APRT: variants seen among roughly 807,000 people sequenced by gnomAD.
APRT encodes the protein AMP diphosphorylase.
A neutral mutation model predicts 21.0 loss-of-function variants in APRT; 25 were observed. The ratio of observed to expected loss-of-function variants is 1.19; its 90% CI spans 0.87 to 1.66. APRT has a LOEUF of 1.66. Ranked by LOEUF, APRT falls within the 40% of genes most tolerant of loss-of-function variation. The pLI is 0.00. For synonymous variants in APRT, 153 were observed against 109.0 expected, an observed-to-expected ratio of 1.40 and a Z score of -2.52; for missense variants, 294 against 232.7, an observed-to-expected ratio of 1.26 and a Z score of -1.72.
chr16:88,811,680 G>A (rs767701199), intron 1 of APRT, 24 bp from the exon 2 acceptor site: 26 of 1,550,264 alleles, frequency 1.7e-5, no homozygotes, highest in Middle Eastern at 1.8e-4. Flanking sequence ...CAGGCCTGGT[G>A]ACGCCGGGGC....
chr16:88,810,540 G>T lies in APRT; in HGVS notation c.204C>A (p.Gly68=). ...GGGCCAGGGAGGGGCCAAAGAGGAA[G>T]CCTCGGGAGTCTAGGCCTGTCAGGG... ...IDYIAGLDSR[G]FLFGPSLAQE... is the part of the protein sequence containing the mutation. The change falls in exon 3 of 5, where the codon GGC becomes GGA. Residue 68 remains glycine, a synonymous_variant. Coordinates refer to ENST00000378364, the MANE Select transcript of APRT (RefSeq NM_000485.3). 6.2e-7 allele frequency: 1 copy of T among 1,611,886 alleles called. No homozygotes were observed. The highest frequency in any genetic ancestry group is 8.5e-7 in the Non-Finnish European group (1 of 1,179,820).
rs766817564 is a variant in APRT, at chr16:88,811,568, G to T, written c.169C>A (p.Arg57Ser). 4 of 1,599,192 alleles carry T rather than the reference G, an allele frequency of 2.5e-6. No individual in the cohort carries two copies. Among genetic ancestry groups the T allele is most frequent in the African/African-American group, 2.7e-5 (2 of 74,764 alleles). Residue 57 changes from arginine (R) to serine (S), a missense_variant, in exon 2 of 5, where the codon CGC becomes AGC. Transcript: ENST00000378364. ...ARHLKATHGG[R>S]IDYIAGLDSR... ...CACTCGCCTGCGATGTAGTCGATGC[G>T]GCCCCCGTGGGTCGCCTTCAGGTGT...
intron 2 of APRT, chr16:88,811,080 C>A: frequency 3.4e-6 from 1 of 293,624 alleles, no homozygotes; most frequent in Non-Finnish European, 6.4e-6. Flanking sequence ...CTGTCACACC[C>A]TAGGAGAGGC....
intron 2 of APRT, among the ~76,000 whole-genome samples, chr16:88,810,889 A>G (rs986107929): frequency 6.6e-6 from 1 of 152,112 alleles, no homozygotes; most frequent in Admixed American, 6.5e-5. Context: ...GCTTCTGTCT[A>G]AAAAGGGAGT....
Position 88,809,784 on chromosome 16 carries a change from A to C in APRT, c.457T>G (p.Cys153Gly), listed in dbSNP as rs764321075. 6.2e-7 allele frequency: 1 copy of C among 1,613,116 alleles called. No individual in the cohort carries two copies. The highest frequency in any genetic ancestry group is 8.5e-7 in the Non-Finnish European group (1 of 1,179,998). The change falls in exon 5 of 5, where the codon TGC (cysteine) becomes GGC (glycine). Residue 153 changes from cysteine to glycine, a missense_variant. Coordinates refer to ENST00000378364, the MANE Select transcript of APRT (RefSeq NM_000485.3). ...LGRLQAEVLECVSLVELTSLK... is the reference protein window; with the variant it reads ...LGRLQAEVLEGVSLVELTSLK... ...GAGGTCAGCTCCACCAGGCTCACGC[A>C]CTCCAGGACCTCAGCCTGCAGGCGG...
At chr16:88,811,205 C>G (rs896873524) in intron 2 of APRT, 1 of 473,830 alleles carries the variant, frequency 2.1e-6, no homozygotes, top group African/African-American at 2.1e-5. Flanking sequence ...GAAGGCCTGG[C>G]TCGTGGCAGG....
rs763752678 is a variant in APRT, at chr16:88,809,675, T to C, written c.*23A>G. Reference sequence around the variant, plus strand: ...TATTTCCCTGGGATCCAGCTGGAGATGTTGGGCTGGGAGGCCCTGTGGTCA... The same window carrying C: ...TATTTCCCTGGGATCCAGCTGGAGACGTTGGGCTGGGAGGCCCTGTGGTCA... On this transcript the variant is annotated 3_prime_UTR_variant, in exon 5 of 5. Coordinates refer to ENST00000378364, the MANE Select transcript of APRT (RefSeq NM_000485.3). 4 of 1,613,060 alleles carry C rather than the reference T, an allele frequency of 2.5e-6. No homozygotes were observed. In the Admixed American group the frequency reaches 5.0e-5, roughly 20 times the overall value.
At chr16:88,809,888 C>T (rs749210314) in intron 4 of APRT, 48 bp from the exon 5 acceptor site, 1 of 1,601,280 alleles carries the variant, frequency 6.2e-7, no homozygotes, top group East Asian at 2.2e-5. Context: ...CTGCAGAGAG[C>T]AGGTGCTCCA....
intron 1 of APRT, 69 bp from the exon 2 acceptor site, chr16:88,811,725 G>T (rs1024397942): frequency 6.0e-6 from 9 of 1,501,572 alleles, no homozygotes; most frequent in Non-Finnish European, 8.0e-6. Flanking sequence ...CGAAAGACGA[G>T]GGTTCCCGCC....
In APRT at chr16:88,809,807, C is replaced by T. The variant is rs147688262; in HGVS notation, c.434G>A (p.Arg145His). The T allele has an allele frequency of 2.2e-5, 36 of 1,612,762 alleles. No individual in the cohort carries two copies. The highest frequency in any genetic ancestry group is 1.3e-4 in the East Asian group (6 of 44,894). Reference protein sequence around the residue: ...TMNAACELLGRLQAEVLECVS... With the variant: ...TMNAACELLGHLQAEVLECVS... ...GCACTCCAGGACCTCAGCCTGCAGGCGGCCCAGCAGCTCACAGGCAGCGTT... is the reference window on the plus strand; with the variant it reads ...GCACTCCAGGACCTCAGCCTGCAGGTGGCCCAGCAGCTCACAGGCAGCGTT... The change falls in exon 5 of 5, where the codon CGC (arginine) becomes CAC (histidine). Residue 145 changes from arginine (R) to histidine (H), a missense_variant. Physicochemically the swap from Arg to His is conservative, Grantham distance 29. Transcript: ENST00000378364.
In APRT at chr16:88,811,490, G is replaced by C; in HGVS notation, c.187+60C>G. On this transcript the variant is annotated intron_variant, in intron 2 of 4. Coordinates refer to ENST00000378364, the MANE Select transcript of APRT (RefSeq NM_000485.3). ...CCCCAAGCAGACGCGCAGAGCCCACGTGCTGCCCTCGGCGCGCGCAGAGGC... is the reference window on the plus strand; with the variant it reads ...CCCCAAGCAGACGCGCAGAGCCCACCTGCTGCCCTCGGCGCGCGCAGAGGC... The C allele has an allele frequency of 8.8e-6, 13 of 1,483,414 alleles. No individual in the cohort carries two copies. Among genetic ancestry groups the C allele is most frequent in the Non-Finnish European group, 1.2e-5 (13 of 1,093,714 alleles). The allele number at this position is 1,483,414 out of a possible 1,614,324, so 91.9% of individuals were successfully genotyped here. A position where few individuals can be genotyped will look rare whatever the true frequency, so the allele number is the denominator to read the frequency against.
chr16:88,810,712 C>T (rs1909099390), intron 2 of APRT, among the ~76,000 whole-genome samples, 156 bp from the exon 3 acceptor site: 1 of 152,222 alleles, frequency 6.6e-6, no homozygotes, highest in Admixed American at 6.5e-5. Context: ...GGAGCTGCTT[C>T]CAGGTCAGAG....
intron 2 of APRT, 47 bp downstream of exon 2, chr16:88,811,503 C>T: frequency 6.6e-7 from 1 of 1,523,320 alleles, no homozygotes; most frequent in Non-Finnish European, 8.9e-7. Flanking sequence ...CTGCCCTCGG[C>T]GCGCGCAGAG....
chr16:88,811,705 G>T (rs1038514187), intron 1 of APRT, 49 bp from the exon 2 acceptor site: 1 of 1,512,416 alleles, frequency 6.6e-7, no homozygotes, highest in Admixed American at 2.1e-5. Context: ...GGAGGGCAGG[G>T]CCCCGGGGGC....
At chr16:88,810,001 C>G in intron 4 of APRT, 69 bp downstream of exon 4, 1 of 1,583,750 alleles carries the variant, frequency 6.3e-7, no homozygotes, top group Non-Finnish European at 8.6e-7. Flanking sequence ...CCATGTCACA[C>G]AGCGAGGTCC....
In APRT at chr16:88,809,716, AGAG is replaced by A. The variant is rs1909034163; in HGVS notation, c.522_524del (p.Ser175del). 6.2e-7 allele frequency: 1 copy of A among 1,613,264 alleles called. No individual in the cohort carries two copies. Among genetic ancestry groups the A allele is most frequent in the African/African-American group, 1.3e-5 (1 of 74,908 alleles). On this transcript the variant is annotated inframe_deletion, in exon 5 of 5. Coordinates refer to ENST00000378364, the MANE Select transcript of APRT (RefSeq NM_000485.3). ...CCTGTGGTCACTCATACTGCAGGAG[AGAG>A]AAGAAGGGTACAGGTGCCAGCTTCT... is the stretch of plus-strand genomic sequence containing the variant.
At chr16:88,811,390 A>C in intron 2 of APRT, 160 bp downstream of exon 2, 1 of 765,752 alleles carries the variant, frequency 1.3e-6, no homozygotes, top group Non-Finnish European at 2.1e-6. Context: ...TCGGGGGCTC[A>C]ATCTCACAAC....
At chr16:88,810,226 T>C in intron 3 of APRT, 78 bp from the exon 4 acceptor site, 1 of 1,549,768 alleles carries the variant, frequency 6.5e-7, no homozygotes. Context: ...GCTGCCACCC[T>C]AGACCCTGAC....
chr16:88,810,044 G>T (rs769047691), intron 4 of APRT, 26 bp downstream of exon 4: 1 of 1,610,972 alleles, frequency 6.2e-7, no homozygotes. Flanking sequence ...TGGAGCCACA[G>T]CAGTTGGCTG....
Sources: allele counts gnomAD v4.1 joint callset (sites outside exome capture counted in the v4.1 genomes callset), GRCh38; gene constraint gnomAD v4.1.1; transcripts MANE v1.5; gene names NCBI Gene and HGNC (gene_info 2026-07-23, HGNC 2026-07-21).